GLUD1: variants seen among roughly 807,000 people sequenced by gnomAD.
GLUD1 encodes glutamate dehydrogenase 1, also known as glutamate dehydrogenase 1, mitochondrial.
GLUD1 carries 22 observed loss-of-function variants against 56.0 expected under a neutral mutation model. The ratio of observed to expected loss-of-function variants is 0.39; its 90% CI spans 0.28 to 0.56. GLUD1 has a LOEUF of 0.56. Among genes scored for constraint, GLUD1 ranks in the 20% least tolerant of loss-of-function variants. The pLI is 0.58. For missense variants in GLUD1, 451 were observed against 732.0 expected, an observed-to-expected ratio of 0.62 and a Z score of 4.43; for synonymous variants, 223 against 269.9, an observed-to-expected ratio of 0.83 and a Z score of 1.70.
intron 5 of GLUD1, among the ~76,000 whole-genome samples, chr10:87,065,597 G>C (rs1397415474): frequency 6.6e-6 from 1 of 152,174 alleles, no homozygotes; most frequent in African/African-American, 2.4e-5. Flanking sequence ...AGGGAAGGAT[G>C]CATAAAAAGG....
Position 87,094,149 on chromosome 10 carries a change from GA to G in GLUD1, c.445+175del. ...CCAATCGCATGATGATTTTAAGGCG[GA>G]AAAATCACCATCCACAGAGCCGGCC... is the stretch of plus-strand genomic sequence containing the variant. On this transcript the variant is annotated intron_variant, in intron 1 of 12. Coordinates refer to ENST00000277865, the MANE Select transcript of GLUD1 (RefSeq NM_005271.5). This position sits in a 1 kb window ranked among gnomAD's most constrained non-coding sequence, Gnocchi z 6.6. 1.4e-6 allele frequency: 2 copies of G among 1,424,660 alleles called. No individual in the cohort carries two copies. Among genetic ancestry groups the G allele is most frequent in the Non-Finnish European group, 1.9e-6 (2 of 1,076,600 alleles). The allele number at this position is 1,424,660 out of a possible 1,614,324, so 88.3% of individuals were successfully genotyped here. A position where few individuals can be genotyped will look rare whatever the true frequency, so the allele number is the denominator to read the frequency against.
In GLUD1 at chr10:87,094,154, A is replaced by G; in HGVS notation, c.445+171T>C. On this transcript the variant is annotated intron_variant, in intron 1 of 12. Transcript: ENST00000277865. The surrounding 1 kb of genome is among the most constrained non-coding windows in gnomAD (Gnocchi z 6.6). ...CGCATGATGATTTTAAGGCGGAAAAATCACCATCCACAGAGCCGGCCACAT... is the reference window on the plus strand; with the variant it reads ...CGCATGATGATTTTAAGGCGGAAAAGTCACCATCCACAGAGCCGGCCACAT... The G allele has an allele frequency of 7.0e-7, 1 of 1,421,778 alleles. No individual in the cohort carries two copies. The highest frequency in any genetic ancestry group is 9.3e-7 in the Non-Finnish European group (1 of 1,074,346). 88.1% of individuals were successfully genotyped at this position (1,421,778 alleles called of 1,614,324 possible).
At chr10:87,071,284 C>T (rs1216695252) in intron 4 of GLUD1, among the ~76,000 whole-genome samples, 1 of 151,844 alleles carries the variant, frequency 6.6e-6, no homozygotes, top group African/African-American at 2.4e-5. Context: ...CCTCCGCCTT[C>T]CAGGTTCAAG....
chr10:87,061,640 C>T (rs1845934350), intron 6 of GLUD1, among the ~76,000 whole-genome samples: 1 of 150,634 alleles, frequency 6.6e-6, no homozygotes, highest in Non-Finnish European at 1.5e-5. Context: ...TTTTTGAGAC[C>T]GAGTCTCATT....
chr10:87,086,525 CAT>C (rs1295629568), intron 1 of GLUD1, among the ~76,000 whole-genome samples: 1 of 152,092 alleles, frequency 6.6e-6, no homozygotes, highest in African/African-American at 2.4e-5. Flanking sequence ...ATCCAACAAA[CAT>C]AAAAGGAAAA....
chr10:87,063,884 C>CT (rs879765266), intron 5 of GLUD1, among the ~76,000 whole-genome samples: 2,523 of 145,242 alleles, frequency 0.017, 32 homozygotes, highest in African/African-American at 0.031. Flanking sequence ...CTTTCTTTGT[C>CT]TTTTTTTTTT....
rs1812263822 is a variant in GLUD1 at position 87,051,690 on chromosome 10, T to G, written c.*61A>C. On this transcript the variant is annotated 3_prime_UTR_variant, in exon 13 of 13. Transcript: ENST00000277865. ...GGATTTCTGTGGTTACATGTAAACT[T>G]GTGATAGGTCTGCAGAAGTTACATG... 2 of 1,573,576 alleles carry G rather than the reference T, an allele frequency of 1.3e-6. No homozygotes were observed. The highest frequency in any genetic ancestry group is 1.7e-6 in the Non-Finnish European group (2 of 1,144,852).
At chr10:87,085,071 G>A (rs1341735325) in intron 1 of GLUD1, among the ~76,000 whole-genome samples, 1 of 152,174 alleles carries the variant, frequency 6.6e-6, no homozygotes, top group East Asian at 1.9e-4. Flanking sequence ...TAGGCTGGGC[G>A]TGGTGGCTCA....
chr10:87,079,298 C>T (rs1321970123), intron 1 of GLUD1, among the ~76,000 whole-genome samples: 6 of 149,778 alleles, frequency 4.0e-5, no homozygotes, highest in East Asian at 3.9e-4. Context: ...TTGAGTTGGG[C>T]GTGGGGGCAT....
chr10:87,072,557 C>A (rs768063458), intron 4 of GLUD1, among the ~76,000 whole-genome samples: 8 of 152,130 alleles, frequency 5.3e-5, no homozygotes, highest in Non-Finnish European at 1.2e-4. Context: ...GCTTTCTGGG[C>A]CAAGACGTCA....
At chr10:87,082,207 A>G (rs920596981) in intron 1 of GLUD1, among the ~76,000 whole-genome samples, 2 of 152,180 alleles carry the variant, frequency 1.3e-5, no homozygotes, top group Admixed American at 6.5e-5. Flanking sequence ...TGGCAAGCCT[A>G]ATATTCTAGA....
chr10:87,059,147 C>T lies in GLUD1; in HGVS notation c.1402+3G>A, dbSNP rs1489892664. Reference sequence around the variant, plus strand: ...TTTGGCGAACAAGATTATCGATACTCACTGAGCAAGTGGTAGTTAGAATCC... The same window carrying T: ...TTTGGCGAACAAGATTATCGATACTTACTGAGCAAGTGGTAGTTAGAATCC... On this transcript the variant is annotated splice_donor_region_variant and intron_variant, in intron 10 of 12. Transcript: ENST00000277865. The T allele has an allele frequency of 5.6e-6, 9 of 1,612,590 alleles. No individual in the cohort carries two copies. In the South Asian group the frequency reaches 6.6e-5, roughly 12 times the overall value.
chr10:87,094,652 C>T lies in GLUD1; in HGVS notation c.118G>A (p.Ala40Thr). 2 of 1,597,598 alleles carry T rather than the reference C, an allele frequency of 1.3e-6. No individual in the cohort carries two copies. The highest frequency in any genetic ancestry group is 2.3e-5 in the East Asian group (1 of 44,298). Residue 40 changes from alanine to threonine, a missense_variant, in exon 1 of 13, where the codon GCC (alanine) becomes ACC (threonine). By Grantham distance (58) the Ala-to-Thr change is moderately conservative (BLOSUM62 0). Around this residue, in one of 4 missense-constraint regions of GLUD1, gnomAD observed 158 missense variants for 189.7 expected, o/e 0.83. Coordinates refer to ENST00000277865, the MANE Select transcript of GLUD1 (RefSeq NM_005271.5). This position sits in a 1 kb window ranked among gnomAD's most constrained non-coding sequence, Gnocchi z 6.6. ...LGWARGQPAA[A>T]PQPGLALAAR... Reference sequence around the variant, plus strand: ...GCCAATGCCAGCCCCGGCTGCGGGGCGGCGGCGGGCTGTCCCCGGGCCCAG... The same window carrying T: ...GCCAATGCCAGCCCCGGCTGCGGGGTGGCGGCGGGCTGTCCCCGGGCCCAG...
intron 12 of GLUD1, 110 bp from the exon 13 acceptor site, chr10:87,051,980 G>A: frequency 2.3e-6 from 3 of 1,297,872 alleles, no homozygotes; most frequent in South Asian, 1.2e-5. Flanking sequence ...ATTGTTTCAA[G>A]GCAGGACTTG....
At chr10:87,065,184 T>C (rs1314246266) in intron 5 of GLUD1, among the ~76,000 whole-genome samples, 2 of 148,180 alleles carry the variant, frequency 1.3e-5, no homozygotes, top group South Asian at 2.1e-4. Context: ...TCCCAGCTAC[T>C]TGGGAGGCTG....
intron 5 of GLUD1, among the ~76,000 whole-genome samples, chr10:87,067,049 T>C (rs1846096857): frequency 6.6e-6 from 1 of 152,260 alleles, no homozygotes; most frequent in Non-Finnish European, 1.5e-5. Flanking sequence ...CTCCTGGTCC[T>C]CTGGCTCCTG....
intron 1 of GLUD1, among the ~76,000 whole-genome samples, chr10:87,091,193 ATAG>A (rs1387200360): frequency 6.6e-6 from 1 of 152,152 alleles, no homozygotes; most frequent in African/African-American, 2.4e-5. Context: ...AAATTTTATG[ATAG>A]TAGCATCAGT....
At chr10:87,053,775 C>T (rs1396134703) in intron 11 of GLUD1, among the ~76,000 whole-genome samples, 3 of 152,134 alleles carry the variant, frequency 2.0e-5, no homozygotes, top group African/African-American at 4.8e-5. Flanking sequence ...TGCCACGGTG[C>T]GTTCGCCTCA....
At chr10:87,080,407 A>G (rs11202320) in intron 1 of GLUD1, among the ~76,000 whole-genome samples, 56,745 of 146,786 alleles carry the variant, frequency 0.39, 11,290 homozygotes, top group African/African-American at 0.52. Context: ...CCATCGTCTG[A>G]GATGTGAGGA....
Sources: allele counts gnomAD v4.1 joint callset (sites outside exome capture counted in the v4.1 genomes callset), GRCh38; gene constraint gnomAD v4.1.1; regional missense constraint gnomAD v4.1.1; non-coding constraint Gnocchi (gnomAD v3.1); transcripts MANE v1.5; gene names NCBI Gene and HGNC (gene_info 2026-07-23, HGNC 2026-07-21).